The following BLTP1 variants were observed in gnomAD, a reference collection of about 807,000 sequenced individuals.
BLTP1 encodes bridge-like lipid transfer protein family member 1, also known as fragile site-associated protein.
the BLTP1 span, among the ~76,000 whole-genome samples, chr4:122,338,666 C>T: frequency 7.9e-5 from 12 of 152,094 alleles, no homozygotes; most frequent in East Asian, 7.7e-4. Context: ...ACTCAAGTAC[C>T]GCAGTCAGCC....
At chr4:122,194,108 C>A in the BLTP1 span, among the ~76,000 whole-genome samples, 5 of 152,204 alleles carry the variant, frequency 3.3e-5, no homozygotes, top group African/African-American at 1.2e-4. Flanking sequence ...GTGATCCGCC[C>A]GCTTCGGCCT....
the BLTP1 span, chr4:122,270,496 A>AT: frequency 8.7e-4 from 272 of 313,668 alleles, 2 homozygotes; most frequent in African/African-American, 5.3e-3. Flanking sequence ...TGCCAAAATA[A>AT]TTTTTTTATC....
chr4:122,171,860 T>A, the BLTP1 span: 2 of 984,324 alleles, frequency 2.0e-6, no homozygotes, highest in Non-Finnish European at 2.4e-6. Flanking sequence ...TCTGTTTTAC[T>A]ATGAGCATAG....
At chr4:122,219,795 G>A in the BLTP1 span, among the ~76,000 whole-genome samples, 1 of 151,942 alleles carries the variant, frequency 6.6e-6, no homozygotes, top group South Asian at 2.1e-4. Context: ...CTCCTTCTTT[G>A]CTATATGTGT....
At chr4:122,186,503 G>A in the BLTP1 span, among the ~76,000 whole-genome samples, 2 of 151,836 alleles carry the variant, frequency 1.3e-5, no homozygotes, top group Admixed American at 1.3e-4. Flanking sequence ...TTGAATGTAT[G>A]TACATAAATG....
chr4:122,272,196 T>G, the BLTP1 span: 9 of 1,613,088 alleles, frequency 5.6e-6, no homozygotes, highest in Admixed American at 1.7e-5. Flanking sequence ...TGTAAAGTTG[T>G]GTTTGAGAAT....
At chr4:122,311,542 G>A in the BLTP1 span, among the ~76,000 whole-genome samples, 1 of 151,962 alleles carries the variant, frequency 6.6e-6, no homozygotes, top group Non-Finnish European at 1.5e-5. Flanking sequence ...AATAAGGAAT[G>A]TTAGGATTAT....
chr4:122,203,071 C>T, the BLTP1 span, among the ~76,000 whole-genome samples: 2 of 151,860 alleles, frequency 1.3e-5, no homozygotes, highest in Non-Finnish European at 2.9e-5. Context: ...AAAAGGACAA[C>T]TACTAGAGAA....
chr4:122,337,357 G>T, the BLTP1 span, among the ~76,000 whole-genome samples: 1 of 152,008 alleles, frequency 6.6e-6, no homozygotes, highest in South Asian at 2.1e-4. Context: ...CTCTTCAGTT[G>T]GGTAAAACCG....
chr4:122,269,585 A>G, the BLTP1 span: 3 of 985,076 alleles, frequency 3.0e-6, no homozygotes, highest in African/African-American at 3.5e-5. Context: ...CTTCACCGCA[A>G]TATACTTTTC....
chr4:122,343,891 T>A, the BLTP1 span: 2 of 865,076 alleles, frequency 2.3e-6, no homozygotes, highest in Non-Finnish European at 2.8e-6. Flanking sequence ...TATTGAAATA[T>A]TTAAATGTCT....
the BLTP1 span, chr4:122,261,533 A>G: frequency 1.0e-6 from 1 of 983,734 alleles, no homozygotes; most frequent in South Asian, 4.7e-5. Context: ...AAATTCTGTA[A>G]TTTTTAATTT....
the BLTP1 span, chr4:122,224,660 A>G: frequency 2.5e-6 from 4 of 1,614,060 alleles, no homozygotes; most frequent in African/African-American, 2.7e-5. Context: ...TCTTACAGCT[A>G]AGGTCACAGC....
the BLTP1 span, among the ~76,000 whole-genome samples, chr4:122,314,466 G>A: frequency 6.6e-6 from 1 of 152,150 alleles, no homozygotes; most frequent in Admixed American, 6.6e-5. Flanking sequence ...AACTATGAAA[G>A]TGGTAATTGA....
the BLTP1 span, among the ~76,000 whole-genome samples, chr4:122,327,099 G>GGTGTTT: frequency 1.4e-5 from 2 of 148,114 alleles, no homozygotes; most frequent in Non-Finnish European, 3.0e-5. Flanking sequence ...TCATAGGGGG[G>GGTGTTT]TGTTTTGTTT....
At chr4:122,266,684 A>T in the BLTP1 span, 6 of 1,053,050 alleles carry the variant, frequency 5.7e-6, no homozygotes, top group Non-Finnish European at 6.7e-6. Flanking sequence ...ATATGTACTG[A>T]GGTAGGGTAA....
At chr4:122,293,739 C>T in the BLTP1 span, among the ~76,000 whole-genome samples, 1 of 152,126 alleles carries the variant, frequency 6.6e-6, no homozygotes, top group Non-Finnish European at 1.5e-5. Context: ...TTTTATAGAC[C>T]CCACTCCCAG....
At chr4:122,316,127 T>C in the BLTP1 span, among the ~76,000 whole-genome samples, 2 of 152,302 alleles carry the variant, frequency 1.3e-5, no homozygotes, top group African/African-American at 4.8e-5. Context: ...AAAGTGCATA[T>C]ACAAAATGAA....
At chr4:122,278,795 C>A in the BLTP1 span, among the ~76,000 whole-genome samples, 10 of 152,166 alleles carry the variant, frequency 6.6e-5, no homozygotes, top group African/African-American at 2.4e-4. Context: ...CTATACCCAG[C>A]TAATTTTTAT....
Sources: allele counts gnomAD v4.1 joint callset (sites outside exome capture counted in the v4.1 genomes callset), GRCh38; gene constraint gnomAD v4.1.1; transcripts MANE v1.5; gene names NCBI Gene and HGNC (gene_info 2026-07-23, HGNC 2026-07-21).